The following MIPEP variants were observed in gnomAD, a reference collection of about 807,000 sequenced individuals.
The protein encoded by MIPEP is mitochondrial intermediate peptidase.
In MIPEP, 79 loss-of-function variants were observed where a neutral mutation model predicts 90.3. That is an observed-to-expected ratio of 0.87 (90% confidence interval 0.73 to 1.05). The LOEUF is 1.05. Among genes scored for constraint, MIPEP ranks in the 50% least tolerant of loss-of-function variants. MIPEP has a pLI of 0.00. For missense variants in MIPEP, 940 were observed against 905.6 expected, an observed-to-expected ratio of 1.04 and a Z score of -0.49; for synonymous variants, 334 against 315.8, an observed-to-expected ratio of 1.06 and a Z score of -0.61.
At chr13:23,843,097 CAAAAAA>C (rs397977292) in intron 10 of MIPEP, among the ~76,000 whole-genome samples, 1 of 53,560 alleles carries the variant, frequency 1.9e-5, no homozygotes, top group Admixed American at 2.2e-4. Flanking sequence ...CTCTCCATCT[CAAAAAA>C]AAAAAAAAAA....
At chr13:23,879,451 G>C in intron 3 of MIPEP, 97 bp from the exon 4 acceptor site, 1 of 668,514 alleles carries the variant, frequency 1.5e-6, no homozygotes, top group Non-Finnish European at 2.6e-6. Flanking sequence ...CCACACACAT[G>C]CCCAGAAGCT....
chr13:23,758,919 CCT>C (rs2138514460), intron 17 of MIPEP, among the ~76,000 whole-genome samples: 1 of 152,246 alleles, frequency 6.6e-6, no homozygotes, highest in East Asian at 1.9e-4. Flanking sequence ...TTTCTCTGAG[CCT>C]CAGTTTTCTC....
intron 16 of MIPEP, among the ~76,000 whole-genome samples, chr13:23,770,539 G>A (rs1030084667): frequency 3.3e-5 from 5 of 152,098 alleles, no homozygotes; most frequent in African/African-American, 1.2e-4. Context: ...CGAAGTCTGT[G>A]CAGATGAACT....
rs397977292 is a variant in MIPEP, at chr13:23,843,097, CA to C, written c.1107-1610del. The stretch of plus-strand genomic sequence containing the variant: ...GGCGACAGAGCAAGACTCTCCATCT[CA>C]AAAAAAAAAAAAAAAAAAAAAGGAA... On this transcript the variant is annotated intron_variant, in intron 10 of 18. Coordinates refer to ENST00000382172, the MANE Select transcript of MIPEP (RefSeq NM_005932.4). Among the ~76,000 whole-genome samples the C allele has an allele frequency of 9.8e-3, 527 of 53,538 alleles. 2 individuals are homozygous for C. Among genetic ancestry groups the C allele is most frequent in the Middle Eastern group, 0.026 (2 of 76 alleles). 35.1% of individuals were successfully genotyped at this position (53,538 alleles called of 152,430 possible). A position where few individuals can be genotyped will look rare whatever the true frequency, so the allele number is the denominator to read the frequency against.
chr13:23,735,590 T>C lies in MIPEP; in HGVS notation c.2045-5145A>G, dbSNP rs1952253532. 9.1e-5 allele frequency among the ~76,000 whole-genome samples: 7 copies of C among 77,130 alleles called. No individual in the cohort carries two copies. The South Asian group carries it at 3.3e-3, about 36-fold the overall frequency. The allele number at this position is 77,130 out of a possible 152,430, so 50.6% of individuals were successfully genotyped here. ...AGACAGGCCCAACTAACACACGTCC[T>C]TCTCCAATTCCCCACCTTAAACAAT... On this transcript the variant is annotated intron_variant, in intron 18 of 18. Transcript: ENST00000382172.
chr13:23,765,690 G>C (rs1338651687), intron 16 of MIPEP, among the ~76,000 whole-genome samples: 1 of 152,144 alleles, frequency 6.6e-6, no homozygotes, highest in Non-Finnish European at 1.5e-5. Flanking sequence ...AAGCACAACG[G>C]GAACTCGACA....
intron 18 of MIPEP, among the ~76,000 whole-genome samples, chr13:23,754,340 ATC>A (rs1184032003): frequency 6.6e-6 from 1 of 152,214 alleles, no homozygotes; most frequent in East Asian, 1.9e-4. Flanking sequence ...TCCCCCATTC[ATC>A]TCTGACATGA....
chr13:23,749,209 T>C (rs1428536168), intron 18 of MIPEP, among the ~76,000 whole-genome samples: 1 of 152,236 alleles, frequency 6.6e-6, no homozygotes, highest in Non-Finnish European at 1.5e-5. Flanking sequence ...ACTGTTTATT[T>C]AGCTTTCTTA....
chr13:23,811,665 T>C (rs927109897), intron 14 of MIPEP, among the ~76,000 whole-genome samples: 6 of 152,154 alleles, frequency 3.9e-5, no homozygotes, highest in South Asian at 4.1e-4. Context: ...GTAAATAACA[T>C]GATTATTGTG....
chr13:23,754,483 G>A (rs921008470), intron 18 of MIPEP, among the ~76,000 whole-genome samples: 3 of 152,246 alleles, frequency 2.0e-5, no homozygotes, highest in South Asian at 4.2e-4. Flanking sequence ...TTTGAATGAT[G>A]GACTTCTTTT....
chr13:23,738,080 G>A (rs533662219), intron 18 of MIPEP, among the ~76,000 whole-genome samples: 3 of 152,100 alleles, frequency 2.0e-5, no homozygotes, highest in Non-Finnish European at 2.9e-5. Flanking sequence ...ATTTGTAAGA[G>A]TTTTTTCCAT....
chr13:23,743,228 T>C (rs1565978854), intron 18 of MIPEP, among the ~76,000 whole-genome samples: 1 of 152,028 alleles, frequency 6.6e-6, no homozygotes. Flanking sequence ...TGTGCCAAAC[T>C]CAGCCTACTG....
chr13:23,761,599 G>A lies in MIPEP; in HGVS notation c.1849-1382C>T, dbSNP rs184680671. The stretch of plus-strand genomic sequence containing the variant: ...ACTGCTCTTTTTCTGTTGCTAAAGT[G>A]GAAAACATCTCCATTCCAATTCATC... On this transcript the variant is annotated intron_variant, in intron 16 of 18. Transcript: ENST00000382172. Among the ~76,000 whole-genome samples the A allele has an allele frequency of 1.9e-3, 284 of 152,292 alleles. 1 individual carries two copies. The highest frequency in any genetic ancestry group is 6.6e-3 in the African/African-American group (274 of 41,552).
At chr13:23,767,157 A>T (rs35572228) in intron 16 of MIPEP, among the ~76,000 whole-genome samples, 45,495 of 152,050 alleles carry the variant, frequency 0.3, 7,194 homozygotes, top group South Asian at 0.48. Flanking sequence ...AAGCTCCCAG[A>T]TGAGACTGCA....
chr13:23,803,894 T>C (rs1256985071), intron 16 of MIPEP, among the ~76,000 whole-genome samples: 1 of 138,400 alleles, frequency 7.2e-6, no homozygotes, highest in Non-Finnish European at 1.6e-5. Context: ...ATAATGTCTT[T>C]TTTTCTCTAA....
At chr13:23,879,080 C>T (rs886276417) in intron 4 of MIPEP, among the ~76,000 whole-genome samples, 188 bp downstream of exon 4, 1 of 152,090 alleles carries the variant, frequency 6.6e-6, no homozygotes, top group African/African-American at 2.4e-5. Context: ...AGAGTCTGAC[C>T]CTGTGCAAAG....
chr13:23,761,424 G>A (rs1256253908), intron 16 of MIPEP, among the ~76,000 whole-genome samples: 1 of 152,158 alleles, frequency 6.6e-6, no homozygotes, highest in Non-Finnish European at 1.5e-5. Flanking sequence ...GGAACGCCTG[G>A]TCATCAACAT....
At chr13:23,747,832 C>A (rs1407294794) in intron 18 of MIPEP, among the ~76,000 whole-genome samples, 1 of 152,164 alleles carries the variant, frequency 6.6e-6, no homozygotes, top group African/African-American at 2.4e-5. Context: ...CCTCTGCCTC[C>A]CGGGTTCAAG....
chr13:23,850,539 A>G (rs1566017063), intron 10 of MIPEP, among the ~76,000 whole-genome samples: 1 of 152,220 alleles, frequency 6.6e-6, no homozygotes, highest in Non-Finnish European at 1.5e-5. Flanking sequence ...GCAGATCAGC[A>G]ACACAGTTCA....
Sources: gnomAD v4.1 joint callset for allele counts (sites outside exome capture counted in the v4.1 genomes callset) on GRCh38, gnomAD v4.1.1 for gene constraint, MANE v1.5 for transcripts, NCBI Gene and HGNC (gene_info 2026-07-23, HGNC 2026-07-21) for gene names.